The following NUDT3 variants were observed in gnomAD, a reference collection of about 807,000 sequenced individuals.
NUDT3 encodes diphosphoinositol polyphosphate phosphohydrolase 1.
Under a neutral mutation model 23.6 loss-of-function variants are expected in NUDT3, and 9 were observed. The observed-to-expected ratio is 0.38, with a 90% CI of 0.23 to 0.66. NUDT3 has a LOEUF of 0.66. Among genes scored for constraint, NUDT3 ranks in the 30% least tolerant of loss-of-function variants. NUDT3 has a pLI of 0.52. For missense variants in NUDT3, 172 were observed against 218.5 expected (o/e 0.79, Z 1.34); for synonymous variants, 86 against 82.6 (o/e 1.04, Z -0.22).
intron 1 of NUDT3, among the ~76,000 whole-genome samples, chr6:34,390,557 G>C (rs1765181636): frequency 6.6e-6 from 1 of 151,956 alleles, no homozygotes; most frequent in Non-Finnish European, 1.5e-5. Flanking sequence ...TATATTTAGA[G>C]ATGGGGATCT....
At chr6:34,358,085 T>C (rs1764591382) in intron 1 of NUDT3, among the ~76,000 whole-genome samples, 1 of 152,200 alleles carries the variant, frequency 6.6e-6, no homozygotes, top group Non-Finnish European at 1.5e-5. Context: ...TTGATTCATT[T>C]GCCAATTCAT....
intron 1 of NUDT3, among the ~76,000 whole-genome samples, chr6:34,378,426 A>G (rs1026179545): frequency 6.6e-6 from 1 of 152,234 alleles, no homozygotes; most frequent in African/African-American, 2.4e-5. Flanking sequence ...TTAGTTGAGG[A>G]GGCTACCCTA....
At chr6:34,359,942 G>C (rs930341138) in intron 1 of NUDT3, among the ~76,000 whole-genome samples, 3 of 152,174 alleles carry the variant, frequency 2.0e-5, no homozygotes, top group Admixed American at 2.0e-4. Context: ...TTCCACTCTA[G>C]TGGGTGTGAC....
intron 1 of NUDT3, among the ~76,000 whole-genome samples, chr6:34,376,721 C>T (rs1379914319): frequency 1.3e-5 from 2 of 152,122 alleles, no homozygotes; most frequent in African/African-American, 2.4e-5. Flanking sequence ...CCTCTGGTAG[C>T]CCCCGCTGAG....
At chr6:34,345,403 G>A (rs1344729899) in intron 1 of NUDT3, among the ~76,000 whole-genome samples, 1 of 151,702 alleles carries the variant, frequency 6.6e-6, no homozygotes, top group Non-Finnish European at 1.5e-5. Flanking sequence ...GTAGCTCACG[G>A]CTGTAATCCC....
rs1561899060 is a variant in NUDT3, at chr6:34,297,748, TATATATATATAA to T, written c.211-2075_211-2064del. ...AAAAAAAAATATATATATATATATA[TATATATATATAA>T]TTTTTTTTTTTTTTTTAGTAGAGAC... On this transcript the variant is annotated intron_variant, in intron 2 of 4. Transcript: ENST00000607016. Among the ~76,000 whole-genome samples, 20 of 103,660 alleles carry T rather than the reference TATATATATATAA, an allele frequency of 1.9e-4. 1 individual carries two copies. The highest frequency in any genetic ancestry group is 3.6e-4 in the African/African-American group (8 of 22,298). 68.0% of individuals were successfully genotyped at this position (103,660 alleles called of 152,430 possible).
rs2113685385 is a variant in NUDT3 at position 34,282,549 on chromosome 6, A to T, written c.*6204T>A. ...AGAGCTATTTTACTGCACTGTTGAG[A>T]TGTTCTCTGCAAGGTAGTCACAGAT... is the stretch of plus-strand genomic sequence containing the variant. On this transcript the variant is annotated 3_prime_UTR_variant, in exon 5 of 5. Transcript: ENST00000607016. 1 of 152,266 alleles carries T rather than the reference A, an allele frequency of 6.6e-6. No homozygotes were observed. Among genetic ancestry groups the T allele is most frequent in the East Asian group, 1.9e-4 (1 of 5,180 alleles). 9.4% of individuals were successfully genotyped at this position (152,266 alleles called of 1,614,324 possible).
At chr6:34,388,417 CTTGA>C (rs1765144337) in intron 1 of NUDT3, among the ~76,000 whole-genome samples, 1 of 152,094 alleles carries the variant, frequency 6.6e-6, no homozygotes, top group Non-Finnish European at 1.5e-5. Flanking sequence ...ACTATTCTAT[CTTGA>C]TTAAGGCCAT....
chr6:34,297,865 G>A (rs1328666163), intron 2 of NUDT3, among the ~76,000 whole-genome samples: 2 of 147,194 alleles, frequency 1.4e-5, no homozygotes, highest in East Asian at 3.9e-4. Flanking sequence ...AAAGTGCTGG[G>A]ATTACAGGTG....
intron 2 of NUDT3, among the ~76,000 whole-genome samples, chr6:34,301,447 C>CA (rs749624182): frequency 4.6e-5 from 7 of 152,168 alleles, no homozygotes; most frequent in Admixed American, 3.9e-4. Context: ...AATGGTTTAC[C>CA]AGGTCCAAGC....
intron 1 of NUDT3, among the ~76,000 whole-genome samples, chr6:34,346,518 T>C (rs1156229507): frequency 6.6e-6 from 1 of 152,198 alleles, no homozygotes; most frequent in African/African-American, 2.4e-5. Context: ...AAGATAAGCA[T>C]TCAATTTCTA....
chr6:34,354,348 G>C (rs1174259190), intron 1 of NUDT3, among the ~76,000 whole-genome samples: 1 of 149,922 alleles, frequency 6.7e-6, no homozygotes, highest in Non-Finnish European at 1.5e-5. Context: ...ATCATCCTAT[G>C]AACAGCCATT....
At chr6:34,363,964 G>A (rs913050234) in intron 1 of NUDT3, among the ~76,000 whole-genome samples, 13 of 151,938 alleles carry the variant, frequency 8.6e-5, no homozygotes, top group African/African-American at 2.9e-4. Context: ...GTAGAGACAG[G>A]GTTTCACCAC....
intron 1 of NUDT3, among the ~76,000 whole-genome samples, chr6:34,387,429 A>T (rs1198282304): frequency 6.6e-6 from 1 of 152,164 alleles, no homozygotes; most frequent in Non-Finnish European, 1.5e-5. Flanking sequence ...CTTTGTTTTC[A>T]ACCAAAGAAA....
intron 1 of NUDT3, among the ~76,000 whole-genome samples, chr6:34,363,167 A>G (rs1191257087): frequency 6.6e-6 from 1 of 152,214 alleles, no homozygotes; most frequent in Admixed American, 6.5e-5. Context: ...GCTATCAGAC[A>G]TTCATAGCTG....
Position 34,379,757 on chromosome 6 carries a change from G to A in NUDT3, c.99+12507C>T, listed in dbSNP as rs548817219. ...AGGCCAGGCGCGGTGGTTCATGCTT[G>A]TAATCTCAGCACTTTGGGAGGCCAA... On this transcript the variant is annotated intron_variant, in intron 1 of 4. Coordinates refer to ENST00000607016, the MANE Select transcript of NUDT3 (RefSeq NM_006703.4). 3.3e-5 allele frequency among the ~76,000 whole-genome samples: 5 copies of A among 151,818 alleles called. No individual in the cohort carries two copies. The South Asian group carries it at 1.0e-3, about 32-fold the overall frequency.
intron 1 of NUDT3, among the ~76,000 whole-genome samples, chr6:34,351,620 T>C (rs563002696): frequency 3.5e-4 from 52 of 148,102 alleles, no homozygotes; most frequent in Middle Eastern, 3.5e-3. Flanking sequence ...TGGGCGCTTG[T>C]AATCCCAGCT....
At chr6:34,381,805 T>C (rs554212519) in intron 1 of NUDT3, among the ~76,000 whole-genome samples, 4 of 152,126 alleles carry the variant, frequency 2.6e-5, no homozygotes, top group South Asian at 4.2e-4. Context: ...CTGGGCACGG[T>C]GGCTCACACC....
chr6:34,289,965 T>C (rs370408828), intron 4 of NUDT3, among the ~76,000 whole-genome samples: 1 of 152,186 alleles, frequency 6.6e-6, no homozygotes, highest in East Asian at 1.9e-4. Flanking sequence ...TAGAGTGTTA[T>C]GGTCAGGAAC....
Sources: allele counts gnomAD v4.1 joint callset (sites outside exome capture counted in the v4.1 genomes callset), GRCh38; gene constraint gnomAD v4.1.1; transcripts MANE v1.5; gene names NCBI Gene and HGNC (gene_info 2026-07-23, HGNC 2026-07-21).